ARMH3: variants seen among roughly 807,000 people sequenced by gnomAD.
ARMH3 encodes the protein armadillo like helical domain containing 3.
ARMH3 carries 60 observed loss-of-function variants against 99.1 expected under a neutral mutation model. The ratio of observed to expected loss-of-function variants is 0.61; its 90% CI spans 0.49 to 0.75. ARMH3 has a LOEUF of 0.75. Among genes scored for constraint, ARMH3 ranks in the 30% least tolerant of loss-of-function variants. The pLI, the probability that ARMH3 is intolerant of heterozygous loss-of-function variation, is 0.00. For synonymous variants in ARMH3, 285 were observed against 292.8 expected (o/e 0.97, Z 0.27); for missense variants, 679 against 843.1 (o/e 0.81, Z 2.41).
At chr10:102,025,291 AC>A (rs1413967149) in intron 5 of ARMH3, 43 bp from the exon 6 acceptor site, 2 of 1,507,578 alleles carry the variant, frequency 1.3e-6, no homozygotes. Context: ...ACCAGATAAC[AC>A]CCCACCTTTG....
At chr10:101,959,937 G>A (rs1181751158) in intron 20 of ARMH3, among the ~76,000 whole-genome samples, 1 of 152,164 alleles carries the variant, frequency 6.6e-6, no homozygotes, top group Non-Finnish European at 1.5e-5. Context: ...TAGCACTTTG[G>A]GAGGCTAAGG....
intron 13 of ARMH3, among the ~76,000 whole-genome samples, chr10:102,009,004 A>G (rs770438876): frequency 7.9e-5 from 12 of 152,304 alleles, no homozygotes; most frequent in African/African-American, 9.6e-5. Context: ...GGCTTGGCCT[A>G]TTTTATCTCC....
At chr10:102,048,965 C>A (rs2067624008) in intron 1 of ARMH3, among the ~76,000 whole-genome samples, 1 of 152,158 alleles carries the variant, frequency 6.6e-6, no homozygotes, top group African/African-American at 2.4e-5. Flanking sequence ...CAAGCCCCAG[C>A]CCTTCAAGCT....
chr10:101,930,244 G>C (rs1332806781), intron 23 of ARMH3, among the ~76,000 whole-genome samples: 3 of 151,962 alleles, frequency 2.0e-5, no homozygotes, highest in African/African-American at 4.8e-5. Context: ...AGCAAAAAAA[G>C]CATTTGACAA....
intron 14 of ARMH3, among the ~76,000 whole-genome samples, chr10:102,003,555 A>C (rs376029696): frequency 7.2e-5 from 11 of 152,326 alleles, no homozygotes; most frequent in South Asian, 6.2e-4. Context: ...CCTAAGACAC[A>C]ATATATAAGT....
chr10:101,936,491 CAAA>C (rs202009727), intron 23 of ARMH3, among the ~76,000 whole-genome samples: 3 of 56,072 alleles, frequency 5.4e-5, no homozygotes. Context: ...GACTCTGTCT[CAAA>C]AAAAAAAAAA....
chr10:101,864,227 A>G (rs940331516), intron 24 of ARMH3, among the ~76,000 whole-genome samples: 3 of 152,184 alleles, frequency 2.0e-5, no homozygotes, highest in African/African-American at 7.2e-5. Context: ...AATGGCGATC[A>G]TTAAAAAGTC....
At chr10:101,915,070 T>A (rs1291212260) in intron 23 of ARMH3, among the ~76,000 whole-genome samples, 1 of 152,094 alleles carries the variant, frequency 6.6e-6, no homozygotes, top group Non-Finnish European at 1.5e-5. Context: ...CTCATTTCTG[T>A]TTAGTTTAGT....
chr10:101,970,760 G>A (rs990767651), intron 20 of ARMH3, among the ~76,000 whole-genome samples: 8 of 151,990 alleles, frequency 5.3e-5, no homozygotes, highest in Non-Finnish European at 2.9e-5. Flanking sequence ...AGGAGGTCGC[G>A]ACTACAATGA....
At chr10:101,944,310 AG>A (rs1844412388) in intron 22 of ARMH3, among the ~76,000 whole-genome samples, 1 of 129,594 alleles carries the variant, frequency 7.7e-6, no homozygotes, top group African/African-American at 3.0e-5. Flanking sequence ...AGAGAGAGAG[AG>A]AGAGAGAGAG....
chr10:102,043,544 T>C (rs2067471486), intron 1 of ARMH3, among the ~76,000 whole-genome samples: 1 of 151,976 alleles, frequency 6.6e-6, no homozygotes, highest in Admixed American at 6.6e-5. Context: ...GAGAAATAAA[T>C]GGAGTAGAAG....
intron 23 of ARMH3, among the ~76,000 whole-genome samples, chr10:101,917,208 G>A (rs2135579333): frequency 6.6e-6 from 1 of 152,270 alleles, no homozygotes; most frequent in South Asian, 2.1e-4. Flanking sequence ...TCAAGATACA[G>A]AACAGTTTCA....
intron 19 of ARMH3, 107 bp from the exon 20 acceptor site, chr10:101,975,407 G>T: frequency 1.3e-6 from 1 of 770,594 alleles, no homozygotes; most frequent in Non-Finnish European, 2.2e-6. Flanking sequence ...AAAGACACTG[G>T]ATATGAATAT....
At chr10:101,914,792 C>A (rs1005370937) in intron 23 of ARMH3, among the ~76,000 whole-genome samples, 3 of 130,682 alleles carry the variant, frequency 2.3e-5, no homozygotes, top group East Asian at 2.5e-4. Context: ...CTTGAACCTG[C>A]GAGGTGGAGG....
chr10:101,873,151 C>T (rs1267126841), intron 24 of ARMH3, among the ~76,000 whole-genome samples: 2 of 150,854 alleles, frequency 1.3e-5, no homozygotes, highest in African/African-American at 2.4e-5. Flanking sequence ...CGTCTGTAAT[C>T]CCAGCACTTT....
chr10:101,944,273 T>C (rs867839067), intron 22 of ARMH3, among the ~76,000 whole-genome samples: 1 of 25,408 alleles, frequency 3.9e-5, no homozygotes, highest in Non-Finnish European at 6.6e-5. Context: ...TATATATATA[T>C]AGAGAGAGAG....
At chr10:101,936,182 A>G (rs1477818211) in intron 23 of ARMH3, among the ~76,000 whole-genome samples, 2 of 152,194 alleles carry the variant, frequency 1.3e-5, no homozygotes, top group African/African-American at 2.4e-5. Context: ...GGTTAAGGTA[A>G]TATCTTAACT....
chr10:102,006,510 C>T, intron 14 of ARMH3, 30 bp downstream of exon 14: 1 of 1,592,402 alleles, frequency 6.3e-7, no homozygotes, highest in Non-Finnish European at 8.6e-7. Context: ...ATCATATTAA[C>T]CAAGAAAAAC....
chr10:101,939,780 G>A (rs1844155976), intron 23 of ARMH3, 83 bp downstream of exon 23: 4 of 1,225,352 alleles, frequency 3.3e-6, no homozygotes, highest in Non-Finnish European at 4.7e-6. Flanking sequence ...TAGTAGTAGT[G>A]TTCAACACAC....
Sources: gnomAD v4.1 joint callset for allele counts (sites outside exome capture counted in the v4.1 genomes callset) on GRCh38, gnomAD v4.1.1 for gene constraint, MANE v1.5 for transcripts, NCBI Gene and HGNC (gene_info 2026-07-23, HGNC 2026-07-21) for gene names.